Variants in RMND1 observed in about 807,000 individuals in gnomAD.
RMND1 encodes required for meiotic nuclear division 1 homolog.
In RMND1, 41 loss-of-function variants were observed where a neutral mutation model predicts 54.0. The ratio of observed to expected loss-of-function variants is 0.76; its 90% CI spans 0.59 to 0.98. The LOEUF (loss-of-function observed/expected upper bound fraction) is 0.98, where lower values mean the gene tolerates loss of function less well. Ranked by LOEUF, RMND1 falls within the 50% of genes least tolerant of loss-of-function variation. RMND1 has a pLI of 0.00. For missense variants in RMND1, 457 were observed against 532.0 expected (o/e 0.86, Z 1.39); for synonymous variants, 183 against 181.7 (o/e 1.01, Z -0.06).
chr6:151,450,498 G>A (rs1366014938), intron 1 of RMND1, among the ~76,000 whole-genome samples: 1 of 136,790 alleles, frequency 7.3e-6, no homozygotes, highest in African/African-American at 2.8e-5. Context: ...TCAGCCCCCC[G>A]CCCGGCCAGC....
chr6:151,442,488 C>T (rs1780810230), intron 2 of RMND1, among the ~76,000 whole-genome samples: 2 of 152,160 alleles, frequency 1.3e-5, no homozygotes, highest in African/African-American at 4.8e-5. Context: ...CTCTGCTGTT[C>T]TCTTCAAAGA....
At chr6:151,432,099 G>C (rs1017069258) in intron 4 of RMND1, among the ~76,000 whole-genome samples, 2 of 151,912 alleles carry the variant, frequency 1.3e-5, no homozygotes, top group African/African-American at 4.8e-5. Context: ...CCATGTGCCT[G>C]GCTAATTTTT....
intron 7 of RMND1, among the ~76,000 whole-genome samples, chr6:151,422,865 T>A (rs1005004757): frequency 6.6e-6 from 1 of 152,158 alleles, no homozygotes; most frequent in Non-Finnish European, 1.5e-5. Context: ...TAGTATTACA[T>A]CTTGGAAACT....
intron 10 of RMND1, chr6:151,411,380 C>G (rs1779828223): frequency 6.6e-6 from 1 of 152,390 alleles, no homozygotes; most frequent in Admixed American, 6.5e-5. Context: ...ACTGGGGTGG[C>G]TTTTGATTCT....
chr6:151,427,708 G>A, intron 5 of RMND1, 126 bp from the exon 6 acceptor site: 1 of 594,136 alleles, frequency 1.7e-6, no homozygotes, highest in Non-Finnish European at 2.9e-6. Flanking sequence ...ATGTTTTTAA[G>A]GAAAAGGCAA....
intron 4 of RMND1, among the ~76,000 whole-genome samples, chr6:151,431,823 TAAG>T (rs1378984307): frequency 2.6e-5 from 4 of 152,132 alleles, no homozygotes; most frequent in Middle Eastern, 3.2e-3. Flanking sequence ...GTTAATATGT[TAAG>T]AAACATATTT....
chr6:151,409,733 A>G (rs566155278), intron 10 of RMND1, among the ~76,000 whole-genome samples: 1 of 152,150 alleles, frequency 6.6e-6, no homozygotes, highest in African/African-American at 2.4e-5. Context: ...AAGGCAGACA[A>G]GAGACTGGGA....
At chr6:151,422,411 T>C (rs1284189264) in intron 8 of RMND1, 130 bp downstream of exon 8, 6 of 480,234 alleles carry the variant, frequency 1.2e-5, no homozygotes, top group Non-Finnish European at 2.3e-5. Context: ...TAGATTCTGG[T>C]ATCCAGTGGG....
chr6:151,450,802 C>T (rs902631273), intron 1 of RMND1, among the ~76,000 whole-genome samples: 40 of 152,162 alleles, frequency 2.6e-4, no homozygotes, highest in East Asian at 7.7e-4. Flanking sequence ...GGATGGTTGC[C>T]GTGTCTGTGT....
rs112251475 is a variant in RMND1, at chr6:151,436,197, T to G, written c.613+249A>C. On this transcript the variant is annotated intron_variant, in intron 3 of 11. Transcript: ENST00000444024. ...GTGCTAGAAATGAAGTAGTATGACC[T>G]CTGACCACCTCAAGTAATAATGATC... 48 of 392,706 alleles carry G rather than the reference T, an allele frequency of 1.2e-4. No individual in the cohort carries two copies. The Admixed American group carries it at 1.6e-3, about 13-fold the overall frequency. 24.3% of individuals were successfully genotyped at this position (392,706 alleles called of 1,614,324 possible).
intron 6 of RMND1, among the ~76,000 whole-genome samples, chr6:151,426,890 C>T (rs905170614): frequency 5.9e-5 from 9 of 152,094 alleles, no homozygotes; most frequent in African/African-American, 2.2e-4. Context: ...CTGTCTCAGC[C>T]TCCCGAGTAG....
intron 11 of RMND1, 96 bp downstream of exon 11, chr6:151,405,624 G>T: frequency 1.5e-6 from 1 of 683,916 alleles, no homozygotes. Context: ...CCTCTTTTCT[G>T]CTAATAATTT....
intron 10 of RMND1, among the ~76,000 whole-genome samples, chr6:151,415,662 G>A (rs1779980894): frequency 6.6e-6 from 1 of 151,690 alleles, no homozygotes; most frequent in South Asian, 2.1e-4. Context: ...GCTTGGTGGC[G>A]GGTGCCTGTA....
chr6:151,406,201 G>A (rs188582196), intron 10 of RMND1, among the ~76,000 whole-genome samples: 1 of 152,098 alleles, frequency 6.6e-6, no homozygotes. Flanking sequence ...GAAAATCTAC[G>A]CTTAACATTT....
Position 151,422,234 on chromosome 6 carries a change from TTTTCTTGTTA to T in RMND1, c.1002+297_1002+306del, listed in dbSNP as rs558649845. 1.4e-4 allele frequency among the ~76,000 whole-genome samples: 21 copies of T among 152,244 alleles called. No homozygotes were observed. In the East Asian group the frequency reaches 3.9e-3, roughly 28 times the overall value. Reference sequence around the variant, plus strand: ...CTGTACCGAACATGTACAAACTGTTTTTTCTTGTTATTATTTCCTAAATAATACAGTATAA... The same window carrying T: ...CTGTACCGAACATGTACAAACTGTTTTTATTTCCTAAATAATACAGTATAA... On this transcript the variant is annotated intron_variant, in intron 8 of 11. Transcript: ENST00000444024.
chr6:151,438,096 C>G (rs1303633318), intron 2 of RMND1, among the ~76,000 whole-genome samples: 1 of 152,134 alleles, frequency 6.6e-6, no homozygotes, highest in Non-Finnish European at 1.5e-5. Context: ...AAAAATGTAT[C>G]AGGAGTTACC....
At chr6:151,448,973 A>T (rs1781043814) in intron 1 of RMND1, among the ~76,000 whole-genome samples, 1 of 138,860 alleles carries the variant, frequency 7.2e-6, no homozygotes, top group African/African-American at 2.7e-5. Flanking sequence ...GTTACTTGGG[A>T]GGCTGAGGCA....
chr6:151,446,411 T>C (rs1235948892), intron 1 of RMND1, among the ~76,000 whole-genome samples: 1 of 150,778 alleles, frequency 6.6e-6, no homozygotes, highest in East Asian at 1.9e-4. Context: ...CCAGCCCTTT[T>C]TCTGTCTCAG....
intron 9 of RMND1, chr6:151,420,633 T>A (rs548949818): frequency 6.6e-6 from 1 of 152,340 alleles, no homozygotes; most frequent in Admixed American, 6.5e-5. Context: ...ATCTTAAAAT[T>A]AATGGTGTCT....
Sources: allele counts gnomAD v4.1 joint callset (sites outside exome capture counted in the v4.1 genomes callset), GRCh38; gene constraint gnomAD v4.1.1; transcripts MANE v1.5; gene names NCBI Gene and HGNC (gene_info 2026-07-23, HGNC 2026-07-21).